JARID2: variants seen among roughly 807,000 people sequenced by gnomAD.
JARID2 encodes the protein protein Jumonji.
Under a neutral mutation model 125.6 loss-of-function variants are expected in JARID2, and 21 were observed. That is an observed-to-expected ratio of 0.17 (90% CI 0.12 to 0.24). The LOEUF is 0.24. JARID2 is among the 10% of genes least tolerant of loss of function. JARID2 has a pLI of 1.00. For synonymous variants in JARID2, 736 were observed against 661.6 expected, an observed-to-expected ratio of 1.11 and a Z score of -1.73; for missense variants, 1,303 against 1,639.6, an observed-to-expected ratio of 0.79 and a Z score of 3.55.
chr6:15,283,595 G>A (rs984888745), intron 1 of JARID2, among the ~76,000 whole-genome samples: 12 of 151,590 alleles, frequency 7.9e-5, no homozygotes, highest in African/African-American at 2.9e-4. Flanking sequence ...GCCCGCCTGG[G>A]CCTCCCAAAG....
chr6:15,252,202 AC>A (rs570625807), intron 1 of JARID2, among the ~76,000 whole-genome samples: 327 of 152,352 alleles, frequency 2.1e-3, no homozygotes, highest in African/African-American at 7.5e-3. Context: ...GAACAACAGA[AC>A]GTTCAGAGAC....
intron 16 of JARID2, 50 bp from the exon 17 acceptor site, chr6:15,517,111 G>A: frequency 5.0e-6 from 7 of 1,394,600 alleles, no homozygotes; most frequent in South Asian, 1.2e-5. Context: ...CCCTCCCAGG[G>A]CGCTGTGGAG....
chr6:15,380,343 G>C (rs1002994351), intron 2 of JARID2, among the ~76,000 whole-genome samples: 1 of 152,082 alleles, frequency 6.6e-6, no homozygotes, highest in Non-Finnish European at 1.5e-5. Context: ...CCGTCAGTAA[G>C]TGAATTTTTT....
chr6:15,502,568 G>C (rs1413400841), intron 8 of JARID2, among the ~76,000 whole-genome samples: 1 of 152,240 alleles, frequency 6.6e-6, no homozygotes, highest in Non-Finnish European at 1.5e-5. Context: ...TGGCCTTGTA[G>C]TTGAGGCAAT....
intron 1 of JARID2, among the ~76,000 whole-genome samples, chr6:15,246,923 C>T (rs917768173): frequency 3.3e-5 from 5 of 152,126 alleles, no homozygotes; most frequent in East Asian, 1.9e-4. Flanking sequence ...GATTTGGCCC[C>T]GTATTGCACT....
At chr6:15,252,741 G>A (rs143355204) in intron 1 of JARID2, among the ~76,000 whole-genome samples, 3 of 148,244 alleles carry the variant, frequency 2.0e-5, no homozygotes, top group African/African-American at 4.9e-5. Flanking sequence ...TTTTTCATGT[G>A]CTCAATTATC....
intron 1 of JARID2, among the ~76,000 whole-genome samples, chr6:15,340,754 C>A (rs1486972344): frequency 2.0e-5 from 3 of 152,152 alleles, no homozygotes; most frequent in Admixed American, 2.0e-4. Context: ...GTTTGCTGGT[C>A]AGAAATGTGT....
At chr6:15,432,685 A>G (rs974478234) in intron 3 of JARID2, among the ~76,000 whole-genome samples, 5 of 152,186 alleles carry the variant, frequency 3.3e-5, no homozygotes, top group African/African-American at 4.8e-5. Flanking sequence ...TACTTGGGCT[A>G]GAAGGTTGGC....
chr6:15,287,463 C>T (rs1761047219), intron 1 of JARID2, among the ~76,000 whole-genome samples: 1 of 152,182 alleles, frequency 6.6e-6, no homozygotes, highest in Admixed American at 6.5e-5. Flanking sequence ...AGATAATCTG[C>T]AACCACTGTA....
chr6:15,306,314 A>G (rs1279994546), intron 1 of JARID2, among the ~76,000 whole-genome samples: 1 of 150,200 alleles, frequency 6.7e-6, no homozygotes, highest in African/African-American at 2.4e-5. Flanking sequence ...CTCATTAACA[A>G]CATAGTCATA....
At chr6:15,511,574 T>A (rs1247742530) in intron 13 of JARID2, among the ~76,000 whole-genome samples, 173 bp downstream of exon 13, 1 of 152,236 alleles carries the variant, frequency 6.6e-6, no homozygotes, top group African/African-American at 2.4e-5. Flanking sequence ...TTCCATCAGA[T>A]TGCACAGGGC....
chr6:15,448,534 G>C (rs1017363261), intron 3 of JARID2, among the ~76,000 whole-genome samples: 1 of 152,230 alleles, frequency 6.6e-6, no homozygotes, highest in African/African-American at 2.4e-5. Flanking sequence ...GCAATACTCA[G>C]AGTGCGATTT....
chr6:15,385,060 T>C (rs1764733953), intron 2 of JARID2, among the ~76,000 whole-genome samples: 1 of 152,240 alleles, frequency 6.6e-6, no homozygotes, highest in Non-Finnish European at 1.5e-5. Flanking sequence ...GAGGCTGTGC[T>C]ATGCTCTGTT....
intron 6 of JARID2, among the ~76,000 whole-genome samples, chr6:15,494,411 G>GTTTT (rs1169733078): frequency 3.1e-5 from 1 of 32,356 alleles, no homozygotes; most frequent in Non-Finnish European, 6.1e-5. Flanking sequence ...TTTTTGGCAA[G>GTTTT]TCTTTTTTTT....
At chr6:15,421,671 C>G (rs1489972540) in intron 3 of JARID2, among the ~76,000 whole-genome samples, 1 of 152,152 alleles carries the variant, frequency 6.6e-6, no homozygotes, top group Non-Finnish European at 1.5e-5. Flanking sequence ...GGTTTTACCA[C>G]CCTCACTTGG....
chr6:15,342,408 A>T (rs1296151235), intron 1 of JARID2, among the ~76,000 whole-genome samples: 2 of 152,216 alleles, frequency 1.3e-5, no homozygotes, highest in East Asian at 1.9e-4. Context: ...ATACTGTCCA[A>T]CTAGGGTGGT....
At chr6:15,334,328 T>C (rs1762810715) in intron 1 of JARID2, among the ~76,000 whole-genome samples, 1 of 99,888 alleles carries the variant, frequency 1.0e-5, no homozygotes, top group African/African-American at 3.1e-5. Flanking sequence ...AATAGGAACA[T>C]GAGCCCTAGA....
At chr6:15,415,836 C>CCCCA (rs1270535557) in intron 3 of JARID2, among the ~76,000 whole-genome samples, 2 of 141,906 alleles carry the variant, frequency 1.4e-5, no homozygotes, top group East Asian at 2.2e-4. Flanking sequence ...CCCCCCACCT[C>CCCCA]CCTCCCGGAC....
At chr6:15,389,138 T>A (rs971696666) in intron 2 of JARID2, among the ~76,000 whole-genome samples, 1 of 152,212 alleles carries the variant, frequency 6.6e-6, no homozygotes, top group Non-Finnish European at 1.5e-5. Flanking sequence ...CATTTTGCAA[T>A]CATTTAACTG....
Sources: allele counts gnomAD v4.1 joint callset (sites outside exome capture counted in the v4.1 genomes callset), GRCh38; gene constraint gnomAD v4.1.1; transcripts MANE v1.5; gene names NCBI Gene and HGNC (gene_info 2026-07-23, HGNC 2026-07-21).